MMP26: variants seen among roughly 807,000 people sequenced by gnomAD.
The protein encoded by MMP26 is matrix metallopeptidase 26, also known as matrix metalloproteinase-26.
Under a neutral mutation model 31.0 loss-of-function variants are expected in MMP26, and 33 were observed. The ratio of observed to expected loss-of-function variants is 1.06; its 90% confidence interval spans 0.81 to 1.42. The LOEUF (loss-of-function observed/expected upper bound fraction) is 1.42. Ranked by LOEUF, MMP26 falls within the 40% of genes most tolerant of loss-of-function variation. MMP26 has a pLI of 0.00. For synonymous variants in MMP26, 122 were observed against 114.9 expected (o/e 1.06, Z -0.40); for missense variants, 347 against 316.1 (o/e 1.10, Z -0.74).
chr11:4,914,016 G>C (rs1589937154), intron 2 of MMP26: 1 of 152,176 alleles, frequency 6.6e-6, no homozygotes, highest in East Asian at 1.9e-4. Context: ...CCAAAATTTA[G>C]TGTCTTAAAA....
intron 2 of MMP26, chr11:4,860,483 A>G (rs1450349246): frequency 4.2e-6 from 2 of 471,110 alleles, no homozygotes; most frequent in East Asian, 7.0e-5. Context: ...AAGGCCAACC[A>G]TGGGTTCTTG....
chr11:4,812,490 A>G (rs1226966824), intron 2 of MMP26, among the ~76,000 whole-genome samples: 1 of 152,180 alleles, frequency 6.6e-6, no homozygotes, highest in African/African-American at 2.4e-5. Context: ...GAGGGCTTCA[A>G]TGATTCAAGG....
At chr11:4,985,466 T>C (rs73388980) in intron 2 of MMP26, among the ~76,000 whole-genome samples, 15,738 of 152,154 alleles carry the variant, frequency 0.1, 1,590 homozygotes, top group East Asian at 0.3. Flanking sequence ...ATATCACATA[T>C]ATCTTATTTT....
intron 2 of MMP26, chr11:4,923,314 G>C (rs951644242): frequency 4.7e-5 from 70 of 1,497,236 alleles, no homozygotes; most frequent in Non-Finnish European, 6.1e-5. Context: ...CCACAGCACA[G>C]CTGAAAACAA....
At chr11:4,888,807 T>C (rs961307403) in intron 2 of MMP26, among the ~76,000 whole-genome samples, 1 of 152,172 alleles carries the variant, frequency 6.6e-6, no homozygotes, top group Admixed American at 6.5e-5. Context: ...GACAATAGAC[T>C]TCTTTCACTT....
At chr11:4,835,342 T>A (rs1849703589) in intron 2 of MMP26, among the ~76,000 whole-genome samples, 1 of 152,178 alleles carries the variant, frequency 6.6e-6, no homozygotes, top group Admixed American at 6.6e-5. Flanking sequence ...TGCAGTTTTA[T>A]CCACCTTCTG....
chr11:4,804,095 G>GA, intron 2 of MMP26: 1 of 1,614,102 alleles, frequency 6.2e-7, no homozygotes, highest in Non-Finnish European at 8.5e-7. Context: ...GCATGGTACT[G>GA]AATCTCATGA....
chr11:4,705,434 C>A (rs1437324303), intron 1 of MMP26, among the ~76,000 whole-genome samples: 1 of 152,172 alleles, frequency 6.6e-6, no homozygotes, highest in Non-Finnish European at 1.5e-5. Context: ...CTTTCTCACC[C>A]ATAAAGGGGA....
In MMP26 at chr11:4,848,813, C is replaced by T. The variant is rs868476275; in HGVS notation, c.-145+81472C>T. Reference sequence around the variant, plus strand: ...GGTAGTGGAGAGGTCGGCAGATGGCCAGTGCCCGATCAATGGACATGGCGA... The same window carrying T: ...GGTAGTGGAGAGGTCGGCAGATGGCTAGTGCCCGATCAATGGACATGGCGA... On this transcript the variant is annotated intron_variant, in intron 2 of 7. Coordinates refer to ENST00000380390, the MANE Select transcript of MMP26 (RefSeq NM_021801.5). 13 of 1,614,070 alleles carry T rather than the reference C, an allele frequency of 8.1e-6. No homozygotes were observed. In the Middle Eastern group the frequency reaches 1.8e-3, roughly 226 times the overall value.
chr11:4,731,266 T>G (rs1198708629), intron 1 of MMP26, among the ~76,000 whole-genome samples: 1 of 152,140 alleles, frequency 6.6e-6, no homozygotes, highest in African/African-American at 2.4e-5. Context: ...TAGGCCACTT[T>G]GGGTTTTAGA....
chr11:4,814,474 C>T (rs1849394633), intron 2 of MMP26, among the ~76,000 whole-genome samples: 1 of 152,014 alleles, frequency 6.6e-6, no homozygotes, highest in Admixed American at 6.6e-5. Context: ...GTATGAAGCG[C>T]TTCATAAAGA....
chr11:4,931,420 G>A (rs943927446), intron 2 of MMP26, among the ~76,000 whole-genome samples: 1 of 151,942 alleles, frequency 6.6e-6, no homozygotes, highest in Admixed American at 6.6e-5. Flanking sequence ...TGGAGAGTAA[G>A]CAGAAGAAGA....
At chr11:4,839,700 A>G (rs1849768807) in intron 2 of MMP26, among the ~76,000 whole-genome samples, 1 of 151,766 alleles carries the variant, frequency 6.6e-6, no homozygotes, top group Admixed American at 6.6e-5. Flanking sequence ...CCCAGGTACT[A>G]CGTCAAGAGT....
intron 2 of MMP26, chr11:4,848,967 A>C (rs924288666): frequency 8.7e-6 from 14 of 1,614,044 alleles, no homozygotes; most frequent in Admixed American, 6.7e-5. Context: ...GGCAGTGACC[A>C]ATCCAATATC....
In MMP26 at chr11:4,716,913, C is replaced by T. The variant is rs573308505; in HGVS notation, c.-217+11868C>T. Among the ~76,000 whole-genome samples the T allele has an allele frequency of 7.2e-5, 11 of 152,142 alleles. No homozygotes were observed. The South Asian group carries it at 1.9e-3, about 26-fold the overall frequency. On this transcript the variant is annotated intron_variant, in intron 1 of 7. Transcript: ENST00000380390. ...CCTGACCTCAGTTGATCACCTGCCT[C>T]GGCCTCCCAAAGTGCTGGGATTACA...
Position 4,955,660 on chromosome 11 carries a change from C to T in MMP26, c.-144-32408C>T, listed in dbSNP as rs747257521. ...TGTGTGCATATTCTAGCCCTGGCAT[C>T]CCAACCAAGAAGAAGGTGGTGATTT... On this transcript the variant is annotated intron_variant, in intron 2 of 7. Transcript: ENST00000380390. 5 of 1,537,036 alleles carry T rather than the reference C, an allele frequency of 3.3e-6. No homozygotes were observed. The South Asian group carries it at 5.8e-5, about 18-fold the overall frequency.
chr11:4,936,402 T>G (rs1846113013), intron 2 of MMP26, among the ~76,000 whole-genome samples: 1 of 152,158 alleles, frequency 6.6e-6, no homozygotes, highest in African/African-American at 2.4e-5. Context: ...TAGTTTGTAT[T>G]TCTGTAGGAT....
At chr11:4,873,801 T>C (rs1010038483) in intron 2 of MMP26, among the ~76,000 whole-genome samples, 28 of 152,206 alleles carry the variant, frequency 1.8e-4, no homozygotes, top group African/African-American at 6.7e-4. Context: ...GTAGGTACTA[T>C]TATTTTTATT....
At chr11:4,880,913 G>A (rs1261737249) in intron 2 of MMP26, among the ~76,000 whole-genome samples, 1 of 152,138 alleles carries the variant, frequency 6.6e-6, no homozygotes, top group Admixed American at 6.6e-5. Context: ...CATTACTGAT[G>A]CCAGAAAATA....
Sources: allele counts gnomAD v4.1 joint callset (sites outside exome capture counted in the v4.1 genomes callset), GRCh38; gene constraint gnomAD v4.1.1; transcripts MANE v1.5; gene names NCBI Gene and HGNC (gene_info 2026-07-23, HGNC 2026-07-21).